The following NPL variants were observed in gnomAD, a reference collection of about 807,000 sequenced individuals.
NPL encodes N-acetylneuraminate pyruvate lyase, also known as N-acetylneuraminate lyase.
In NPL, 32 loss-of-function variants were observed where a neutral mutation model predicts 41.1. The observed-to-expected ratio is 0.78, with a 90% CI of 0.59 to 1.05. The LOEUF (loss-of-function observed/expected upper bound fraction) is 1.05. NPL is among the 50% of genes least tolerant of loss of function. The probability of loss-of-function intolerance (pLI) is 0.00; values close to 1 mark genes in which losing one functional copy is unlikely to be tolerated. For synonymous variants in NPL, 128 were observed against 134.9 expected (o/e 0.95, Z 0.35); for missense variants, 321 against 378.4 (o/e 0.85, Z 1.26).
intron 7 of NPL, among the ~76,000 whole-genome samples, chr1:182,816,058 T>C (rs1055053211): frequency 1.3e-5 from 2 of 152,244 alleles, no homozygotes; most frequent in Non-Finnish European, 2.9e-5. Context: ...AAAATTCTCC[T>C]ATTACCCAGT....
chr1:182,789,919 G>A (rs1326493242), intron 1 of NPL, 114 bp downstream of exon 1: 1 of 152,518 alleles, frequency 6.6e-6, no homozygotes, highest in African/African-American at 2.4e-5. Flanking sequence ...GTGAGACGTT[G>A]ACGGACCCGG....
intron 3 of NPL, among the ~76,000 whole-genome samples, chr1:182,801,789 A>G (rs1666854546): frequency 6.6e-6 from 1 of 152,102 alleles, no homozygotes; most frequent in African/African-American, 2.4e-5. Flanking sequence ...GTGAGCCACG[A>G]TTACACCACT....
At chr1:182,806,337 C>A in intron 5 of NPL, 105 bp downstream of exon 5, 1 of 1,564,864 alleles carries the variant, frequency 6.4e-7, no homozygotes, top group East Asian at 2.4e-5. Context: ...AGAGCCGGGG[C>A]TTGAGGTCAG....
chr1:182,795,515 T>C (rs1666636157), intron 3 of NPL, among the ~76,000 whole-genome samples: 6 of 152,192 alleles, frequency 3.9e-5, no homozygotes, highest in Admixed American at 3.9e-4. Context: ...TTAAAGGAGA[T>C]GAAATTTCTC....
intron 1 of NPL, among the ~76,000 whole-genome samples, chr1:182,791,523 A>T (rs1666515058): frequency 6.6e-6 from 1 of 152,206 alleles, no homozygotes; most frequent in Non-Finnish European, 1.5e-5. Context: ...GATTAATCTG[A>T]CAGCTGGTGT....
chr1:182,807,574 G>A (rs1441841092), intron 5 of NPL, among the ~76,000 whole-genome samples: 3 of 151,832 alleles, frequency 2.0e-5, no homozygotes, highest in African/African-American at 7.3e-5. Flanking sequence ...AGGGCTAAGG[G>A]CACACATTAA....
intron 3 of NPL, among the ~76,000 whole-genome samples, chr1:182,796,166 CAA>C (rs11419574): frequency 0.067 from 6,928 of 103,160 alleles, 199 homozygotes; most frequent in African/African-American, 0.13. Flanking sequence ...GGTGTGAAAT[CAA>C]AAAAAAAAAA....
At chr1:182,822,000 C>A in intron 10 of NPL, 115 bp from the exon 11 acceptor site, 1 of 751,292 alleles carries the variant, frequency 1.3e-6, no homozygotes, top group Non-Finnish European at 2.4e-6. Context: ...GATTCAAAAA[C>A]AGACTTTAGG....
rs369395170 is a variant in NPL, at chr1:182,794,392, A to C, written c.21A>C (p.Lys7Asn). The C allele has an allele frequency of 3.7e-6, 6 of 1,614,106 alleles. No homozygotes were observed. Among genetic ancestry groups the C allele is most frequent in the Non-Finnish European group, 4.2e-6 (5 of 1,180,040 alleles). MAFPKK[K>N]LQGLVAATIT... The stretch of plus-strand genomic sequence containing the variant: ...GCTCAATGGCCTTCCCAAAGAAGAA[A>C]CTTCAGGGTCTTGTGGCTGCAACCA... Residue 7 changes from lysine (K) to asparagine (N), a missense_variant, in exon 3 of 13, where the codon AAA becomes AAC. Physicochemically the swap from Lys to Asn is moderately conservative, Grantham distance 94. Coordinates refer to ENST00000367553, the MANE Select transcript of NPL (RefSeq NM_030769.3).
intron 6 of NPL, among the ~76,000 whole-genome samples, chr1:182,813,797 A>C (rs1667246613): frequency 6.6e-6 from 1 of 152,212 alleles, no homozygotes; most frequent in Non-Finnish European, 1.5e-5. Context: ...CAACTCTCTT[A>C]GGTGTTTCCT....
chr1:182,798,573 G>A (rs946955072), intron 3 of NPL, among the ~76,000 whole-genome samples: 1 of 152,082 alleles, frequency 6.6e-6, no homozygotes, highest in Non-Finnish European at 1.5e-5. Context: ...TTTTCTTTGG[G>A]CAGGCTCACA....
At chr1:182,822,066 C>A in intron 10 of NPL, 49 bp from the exon 11 acceptor site, 1 of 1,198,300 alleles carries the variant, frequency 8.3e-7, no homozygotes, top group Non-Finnish European at 1.2e-6. Flanking sequence ...AGATCTGGAC[C>A]TTTCCTGTTG....
chr1:182,795,301 C>A (rs926961459), intron 3 of NPL, among the ~76,000 whole-genome samples: 1 of 152,078 alleles, frequency 6.6e-6, no homozygotes, highest in Non-Finnish European at 1.5e-5. Flanking sequence ...ATAATCATAC[C>A]TACATAATGA....
chr1:182,826,787 G>A (rs1018887912), intron 12 of NPL: 11 of 152,162 alleles, frequency 7.2e-5, no homozygotes, highest in African/African-American at 2.7e-4. Flanking sequence ...CAAACTAAAA[G>A]CTTGATGTGT....
rs201694755 is a variant in NPL, at chr1:182,806,190, G to A, written c.188G>A (p.Arg63His). 1.1e-4 allele frequency: 182 copies of A among 1,614,082 alleles called. No individual in the cohort carries two copies. Among genetic ancestry groups the A allele is most frequent in the Non-Finnish European group, 1.3e-4 (157 of 1,180,046 alleles). Residue 63 changes from arginine (R) to histidine (H), a missense_variant, in exon 5 of 13, where the codon CGT becomes CAT. Coordinates refer to ENST00000367553, the MANE Select transcript of NPL (RefSeq NM_030769.3). Reference protein sequence around the residue: ...GEGLSLSVSERRQVAEEWVTK... With the variant: ...GEGLSLSVSEHRQVAEEWVTK... ...GGCCTGTCCCTGAGCGTCTCAGAGC[G>A]TCGCCAGGTTGCAGAGGAGTGGGTG...
rs1313989167 is a variant in NPL at position 182,818,692 on chromosome 1, A to G, written c.606+3A>G. ...CTTTCCTTTTTGGGGTGGATGAGGTAAGTCACCCCCTAGCATGTTGCAGCA... is the reference window on the plus strand; with the variant it reads ...CTTTCCTTTTTGGGGTGGATGAGGTGAGTCACCCCCTAGCATGTTGCAGCA... On this transcript the variant is annotated splice_donor_region_variant and intron_variant, in intron 9 of 12. Transcript: ENST00000367553. The G allele has an allele frequency of 1.2e-6, 2 of 1,614,040 alleles. No homozygotes were observed. Among genetic ancestry groups the G allele is most frequent in the East Asian group, 4.5e-5 (2 of 44,898 alleles).
intron 12 of NPL, 161 bp downstream of exon 12, chr1:182,825,981 T>C (rs1667621238): frequency 1.4e-6 from 1 of 714,830 alleles, no homozygotes; most frequent in South Asian, 1.5e-5. Context: ...CATATAAAAC[T>C]GTGAAGTAAA....
rs776456114 is a variant in NPL at position 182,806,167 on chromosome 1, C to T, written c.165C>T (p.Gly55=). ...CAGTGAATGGCACAACAGGAGAAGG[C>T]CTGTCCCTGAGCGTCTCAGAGCGTC... ...NIFVNGTTGE[G]LSLSVSERRQ... is the part of the protein sequence containing the mutation. The change falls in exon 5 of 13, where the codon GGC becomes GGT. Residue 55 remains glycine, a synonymous_variant. Transcript: ENST00000367553. 1.5e-5 allele frequency: 24 copies of T among 1,614,108 alleles called. No individual in the cohort carries two copies. The highest frequency in any genetic ancestry group is 4.4e-5 in the South Asian group (4 of 91,082).
intron 3 of NPL, among the ~76,000 whole-genome samples, chr1:182,796,774 T>C (rs2102528497): frequency 6.6e-6 from 1 of 152,238 alleles, no homozygotes; most frequent in African/African-American, 2.4e-5. Context: ...CGGTGGCTCA[T>C]GCCTGTGATC....
Sources: allele counts gnomAD v4.1 joint callset (sites outside exome capture counted in the v4.1 genomes callset), GRCh38; gene constraint gnomAD v4.1.1; transcripts MANE v1.5; gene names NCBI Gene and HGNC (gene_info 2026-07-23, HGNC 2026-07-21).